Variants in RBPJ observed in about 807,000 individuals in gnomAD.
RBPJ encodes recombining binding protein suppressor of hairless.
A neutral mutation model predicts 67.8 loss-of-function variants in RBPJ; 9 were observed. The observed-to-expected ratio is 0.13, with a 90% CI of 0.08 to 0.23. The LOEUF (loss-of-function observed/expected upper bound fraction) is 0.23, where lower values mean the gene tolerates loss of function less well. Ranked by LOEUF, RBPJ falls within the 10% of genes least tolerant of loss-of-function variation. RBPJ has a pLI of 1.00. For missense variants in RBPJ, 305 were observed against 595.6 expected, an observed-to-expected ratio of 0.51 and a Z score of 5.08; for synonymous variants, 198 against 203.3, an observed-to-expected ratio of 0.97 and a Z score of 0.22.
upstream of RBPJ, among the ~76,000 whole-genome samples, chr4:26,158,937 C>CTCTCTATT (rs1716024723): frequency 1.6e-5 from 2 of 121,410 alleles, no homozygotes; most frequent in Admixed American, 2.0e-4. Context: ...CTTTCTCCCT[C>CTCTCTATT]TCTCTCTTTC....
At position 26,362,664 on chromosome 4, in the gene RBPJ, A is replaced by G. The variant is rs1384950849; in HGVS notation, c.21-23689A>G. 4.5e-6 allele frequency: 7 copies of G among 1,542,656 alleles called. No individual in the cohort carries two copies. The Admixed American group carries it at 6.7e-5, about 15-fold the overall frequency. Reference sequence around the variant, plus strand: ...GAAATCTCCCAGTGACCCCAAGGTCATGGATAGAATGAACACTCATGATTC... The same window carrying G: ...GAAATCTCCCAGTGACCCCAAGGTCGTGGATAGAATGAACACTCATGATTC... On this transcript the variant is annotated intron_variant, in intron 1 of 10. Coordinates refer to ENST00000355476, the MANE Select transcript of RBPJ (RefSeq NM_015874.6).
rs150955369 is a variant in RBPJ, at chr4:26,371,353, A to G, written c.21-15000A>G. Among the ~76,000 whole-genome samples the G allele has an allele frequency of 4.0e-3, 607 of 152,340 alleles. 7 individuals are homozygous for G. The highest frequency in any genetic ancestry group is 0.014 in the African/African-American group (586 of 41,584). On this transcript the variant is annotated intron_variant, in intron 1 of 10. Coordinates refer to ENST00000355476, the MANE Select transcript of RBPJ (RefSeq NM_015874.6). ...CCTACTGCATACAGATTTGTATTTGAGAACTCAATATTGTACACACATGAG... is the reference window on the plus strand; with the variant it reads ...CCTACTGCATACAGATTTGTATTTGGGAACTCAATATTGTACACACATGAG...
chr4:26,274,425 C>T (rs559346325), intron 1 of RBPJ, among the ~76,000 whole-genome samples: 2 of 152,254 alleles, frequency 1.3e-5, no homozygotes, highest in East Asian at 3.9e-4. Context: ...CCCAGGAGTT[C>T]AAGACCAGCA....
At chr4:26,365,380 A>T (rs1010179854) in intron 1 of RBPJ, among the ~76,000 whole-genome samples, 15 of 152,262 alleles carry the variant, frequency 9.9e-5, no homozygotes, top group African/African-American at 3.4e-4. Context: ...TGATCATCTT[A>T]TCCTGCTGGG....
intron 1 of RBPJ, among the ~76,000 whole-genome samples, chr4:26,309,315 T>TGCCACCGTGTCCTGC (rs1722349843): frequency 6.6e-6 from 1 of 152,154 alleles, no homozygotes; most frequent in Admixed American, 6.6e-5. Context: ...CCGTGTCCTG[T>TGCCACCGTGTCCTGC]GCCACCGTGT....
At chr4:26,397,779 G>T (rs972343676) in intron 2 of RBPJ, among the ~76,000 whole-genome samples, 3 of 152,170 alleles carry the variant, frequency 2.0e-5, no homozygotes, top group Non-Finnish European at 4.4e-5. Context: ...GATTACAGGC[G>T]TGTGCTACCA....
chr4:26,266,717 A>G (rs1560236128), intron 1 of RBPJ, among the ~76,000 whole-genome samples: 4 of 152,136 alleles, frequency 2.6e-5, no homozygotes, highest in African/African-American at 2.4e-5. Context: ...TTAAGGCGCC[A>G]TATTTGGGGG....
intron 1 of RBPJ, among the ~76,000 whole-genome samples, chr4:26,224,206 C>T (rs1719008656): frequency 6.6e-6 from 1 of 151,406 alleles, no homozygotes; most frequent in African/African-American, 2.4e-5. Context: ...CATTTACTCC[C>T]ATTGTGCATT....
chr4:26,241,628 C>T (rs1719639706), intron 1 of RBPJ, among the ~76,000 whole-genome samples: 1 of 152,154 alleles, frequency 6.6e-6, no homozygotes, highest in Non-Finnish European at 1.5e-5. Flanking sequence ...TCTCCTGCCT[C>T]AGCCTCCCAA....
At chr4:26,321,197 G>A (rs1723001303) in intron 1 of RBPJ, 149 bp downstream of exon 1, 1 of 215,754 alleles carries the variant, frequency 4.6e-6, no homozygotes, top group African/African-American at 2.4e-5. Flanking sequence ...CGGCGGCGGC[G>A]GCGTGTGGCC....
At chr4:26,349,694 T>C (rs1278835013) in intron 1 of RBPJ, among the ~76,000 whole-genome samples, 1 of 152,186 alleles carries the variant, frequency 6.6e-6, no homozygotes, top group Admixed American at 6.6e-5. Flanking sequence ...TTCACAACAC[T>C]TTTACTTCTA....
At chr4:26,344,602 A>G (rs1725940733) in intron 1 of RBPJ, among the ~76,000 whole-genome samples, 1 of 152,208 alleles carries the variant, frequency 6.6e-6, no homozygotes, top group South Asian at 2.1e-4. Flanking sequence ...TACAAATAAT[A>G]AGGGAGATGT....
At chr4:26,159,557 T>C (rs563074000), upstream of RBPJ, among the ~76,000 whole-genome samples, 6 of 152,278 alleles carry the variant, frequency 3.9e-5, no homozygotes, top group South Asian at 1.2e-3. Flanking sequence ...ATCAATAAGT[T>C]TTACATAAAA....
the RBPJ span, among the ~76,000 whole-genome samples, chr4:26,151,371 G>A: frequency 6.6e-5 from 10 of 152,196 alleles, no homozygotes; most frequent in African/African-American, 2.2e-4. Context: ...AGATCTCCAA[G>A]AAATGGGAAT....
chr4:26,374,607 C>G (rs1219722598), intron 1 of RBPJ, among the ~76,000 whole-genome samples: 1 of 151,886 alleles, frequency 6.6e-6, no homozygotes, highest in Non-Finnish European at 1.5e-5. Flanking sequence ...TCCCGAGTAG[C>G]TGGGACTACA....
intron 1 of RBPJ, among the ~76,000 whole-genome samples, chr4:26,257,690 A>G (rs1720387549): frequency 6.6e-6 from 1 of 152,224 alleles, no homozygotes; most frequent in Non-Finnish European, 1.5e-5. Context: ...TCTATGCTAC[A>G]TCACCTACTC....
chr4:26,265,523 A>G lies in RBPJ; in HGVS notation c.-166-96923A>G, dbSNP rs576751290. ...TAGAGTGAGACAGTCTCAAAAAAAG[A>G]AAAAAAAAAAAGAATAGATGAAAAG... is the stretch of plus-strand genomic sequence containing the variant. On this transcript the variant is annotated intron_variant, in intron 1 of 4. Coordinates refer to the RBPJ transcript ENST00000512351. 2.1e-4 allele frequency among the ~76,000 whole-genome samples: 31 copies of G among 145,402 alleles called. No homozygotes were observed. In the East Asian group the frequency reaches 4.2e-3, roughly 20 times the overall value.
chr4:26,354,183 G>A (rs554503129), intron 1 of RBPJ, among the ~76,000 whole-genome samples: 140 of 151,706 alleles, frequency 9.2e-4, no homozygotes, highest in Non-Finnish European at 1.7e-3. Flanking sequence ...CACCCGCCTC[G>A]GCCTCCCAAA....
chr4:26,316,510 C>CATATACAT (rs1560258400), upstream of RBPJ, among the ~76,000 whole-genome samples: 3 of 88,992 alleles, frequency 3.4e-5, no homozygotes, highest in African/African-American at 1.7e-4. Flanking sequence ...CATATATATT[C>CATATACAT]ATATATATTC....
Sources: gnomAD v4.1 joint callset for allele counts (sites outside exome capture counted in the v4.1 genomes callset) on GRCh38, gnomAD v4.1.1 for gene constraint, MANE v1.5 for transcripts, NCBI Gene and HGNC (gene_info 2026-07-23, HGNC 2026-07-21) for gene names.